Variants in PRDM2 observed in about 807,000 individuals in gnomAD.
PRDM2 encodes PR domain zinc finger protein 2.
Under a neutral mutation model 130.0 loss-of-function variants are expected in PRDM2, and 30 were observed. The ratio of observed to expected loss-of-function variants is 0.23; its 90% confidence interval spans 0.17 to 0.31. PRDM2 has a LOEUF of 0.31. Ranked by LOEUF, PRDM2 falls within the 10% of genes least tolerant of loss-of-function variation. PRDM2 has a pLI of 1.00. For missense variants in PRDM2, 2,011 were observed against 2,108.4 expected (o/e 0.95, Z 0.90); for synonymous variants, 871 against 782.4 (o/e 1.11, Z -1.89).
intron 9 of PRDM2, among the ~76,000 whole-genome samples, chr1:13,818,075 C>G (rs997979003): frequency 1.3e-5 from 2 of 152,184 alleles, no homozygotes; most frequent in African/African-American, 4.8e-5. Flanking sequence ...CCACCACCCC[C>G]CACAGCCCTG....
chr1:13,799,729 GT>G (rs1312014701), intron 8 of PRDM2, among the ~76,000 whole-genome samples: 1 of 152,162 alleles, frequency 6.6e-6, no homozygotes, highest in Non-Finnish European at 1.5e-5. Flanking sequence ...TCCCAAACCT[GT>G]TTATGCCGCT....
intron 6 of PRDM2, among the ~76,000 whole-genome samples, chr1:13,763,539 CAA>C (rs1034609431): frequency 1.3e-5 from 2 of 152,040 alleles, no homozygotes; most frequent in African/African-American, 4.8e-5. Context: ...AGGCAGTAGA[CAA>C]GAGAGAAACA....
chr1:13,724,463 T>C (rs1455012856), intron 2 of PRDM2, among the ~76,000 whole-genome samples: 1 of 151,938 alleles, frequency 6.6e-6, no homozygotes, highest in Admixed American at 6.6e-5. Flanking sequence ...ACATGTACAT[T>C]GATGTAGAAA....
chr1:13,800,797 T>TG (rs199871230), intron 8 of PRDM2, among the ~76,000 whole-genome samples: 140 of 151,652 alleles, frequency 9.2e-4, no homozygotes, highest in African/African-American at 2.1e-3. Flanking sequence ...GAAGGAGGGT[T>TG]GGGGGGGGTC....
At chr1:13,741,765 T>TGTGTGTGTGTGTGTGG (rs56920487) in intron 4 of PRDM2, among the ~76,000 whole-genome samples, 1 of 129,962 alleles carries the variant, frequency 7.7e-6, no homozygotes, top group African/African-American at 2.8e-5. Flanking sequence ...TGTGTGTGTG[T>TGTGTGTGTGTGTGTGG]AGGGGTGGGG....
intron 8 of PRDM2, among the ~76,000 whole-genome samples, chr1:13,788,532 T>G (rs939671173): frequency 3.9e-5 from 6 of 152,222 alleles, no homozygotes; most frequent in Non-Finnish European, 5.9e-5. Context: ...TAGTTCATCA[T>G]CATAGCACTT....
rs373524605 is a variant in PRDM2, at chr1:13,704,373, A to G, written c.-66+4073A>G. Among the ~76,000 whole-genome samples the G allele has an allele frequency of 7.5e-5, 11 of 146,848 alleles. No homozygotes were observed. In the South Asian group the frequency reaches 2.1e-3, roughly 28 times the overall value. ...CTTACAGTATTTTTCTTAGTACTGTATAGTATTTATTCTTAGAGTCTTGGT... is the reference window on the plus strand; with the variant it reads ...CTTACAGTATTTTTCTTAGTACTGTGTAGTATTTATTCTTAGAGTCTTGGT... On this transcript the variant is annotated intron_variant, in intron 1 of 9. Coordinates refer to ENST00000311066, the MANE Select transcript of PRDM2 (RefSeq NM_001393986.1).
At chr1:13,775,749 C>T (rs1644461775) in intron 7 of PRDM2, among the ~76,000 whole-genome samples, 1 of 152,176 alleles carries the variant, frequency 6.6e-6, no homozygotes, top group Non-Finnish European at 1.5e-5. Context: ...GGTCTGGCTG[C>T]TCTTTTCTGC....
intron 8 of PRDM2, among the ~76,000 whole-genome samples, chr1:13,794,028 G>A (rs1644883691): frequency 6.6e-6 from 1 of 152,188 alleles, no homozygotes; most frequent in South Asian, 2.1e-4. Flanking sequence ...CAGAGCTTCA[G>A]TTCAGCCTGG....
At chr1:13,705,981 C>CAAAA (rs61072408) in intron 1 of PRDM2, among the ~76,000 whole-genome samples, 4 of 56,778 alleles carry the variant, frequency 7.0e-5, no homozygotes, top group Admixed American at 3.5e-4. Flanking sequence ...GACTCCGTCT[C>CAAAA]AAAAAAAAAA....
chr1:13,703,352 T>G (rs1642121335), intron 1 of PRDM2, among the ~76,000 whole-genome samples: 1 of 152,192 alleles, frequency 6.6e-6, no homozygotes, highest in Non-Finnish European at 1.5e-5. Flanking sequence ...CAGTAAAATC[T>G]CCAGACATTT....
chr1:13,773,257 CTT>C, intron 7 of PRDM2, 69 bp downstream of exon 7: 10 of 913,784 alleles, frequency 1.1e-5, no homozygotes, highest in Non-Finnish European at 1.2e-5. Flanking sequence ...CTTTGTATCT[CTT>C]TATATTGTCC....
intron 6 of PRDM2, among the ~76,000 whole-genome samples, chr1:13,760,885 T>C (rs1644081744): frequency 6.6e-6 from 1 of 152,148 alleles, no homozygotes; most frequent in African/African-American, 2.4e-5. Flanking sequence ...AGTTTCACCA[T>C]CTTGTGTAAC....
At chr1:13,764,377 T>C (rs1230674041) in intron 6 of PRDM2, among the ~76,000 whole-genome samples, 1 of 152,220 alleles carries the variant, frequency 6.6e-6, no homozygotes, top group Non-Finnish European at 1.5e-5. Context: ...AGAAATTGAT[T>C]ATGAAGTAGA....
rs530876553 is a variant in PRDM2, at chr1:13,803,031, A to C, written c.5037-13396A>C. Among the ~76,000 whole-genome samples, 1 of 152,328 alleles carries C rather than the reference A, an allele frequency of 6.6e-6. No homozygotes were observed. Among genetic ancestry groups the C allele is most frequent in the African/African-American group, 2.4e-5 (1 of 41,580 alleles). On this transcript the variant is annotated intron_variant, in intron 8 of 9. Transcript: ENST00000311066. The surrounding 1 kb of genome is among the most constrained non-coding windows in gnomAD (Gnocchi z 6.2). ...CACCCGGGCTGGTCGTGTCACGGGC[A>C]GTGACGGTGTTTCCAGCCGAGGTGA...
At chr1:13,715,846 C>G (rs950210576) in intron 2 of PRDM2, among the ~76,000 whole-genome samples, 1 of 152,150 alleles carries the variant, frequency 6.6e-6, no homozygotes, top group Non-Finnish European at 1.5e-5. Context: ...AGGACTCATT[C>G]TTAGGGATTT....
chr1:13,784,554 G>A (rs987968007), intron 8 of PRDM2, among the ~76,000 whole-genome samples: 1 of 152,206 alleles, frequency 6.6e-6, no homozygotes, highest in African/African-American at 2.4e-5. Flanking sequence ...AGCTGTCAGA[G>A]TGACCATAAA....
intron 1 of PRDM2, among the ~76,000 whole-genome samples, chr1:13,708,613 C>A (rs531926552): frequency 2.6e-5 from 4 of 152,298 alleles, no homozygotes; most frequent in African/African-American, 7.2e-5. Flanking sequence ...GTCTGTCTGT[C>A]GTGTTCTAGG....
At chr1:13,796,358 C>T (rs1644922418) in intron 8 of PRDM2, among the ~76,000 whole-genome samples, 1 of 152,172 alleles carries the variant, frequency 6.6e-6, no homozygotes, top group Non-Finnish European at 1.5e-5. Context: ...CATATGTAAA[C>T]AAAGAGATGG....
Sources: gnomAD v4.1 joint callset for allele counts (sites outside exome capture counted in the v4.1 genomes callset) on GRCh38, gnomAD v4.1.1 for gene constraint, Gnocchi (gnomAD v3.1) non-coding constraint, MANE v1.5 for transcripts, NCBI Gene and HGNC (gene_info 2026-07-23, HGNC 2026-07-21) for gene names.